Variants in PRICKLE2 observed in about 807,000 individuals in gnomAD.
PRICKLE2 encodes the protein prickle-like protein 2.
Under a neutral mutation model 81.4 loss-of-function variants are expected in PRICKLE2, and 21 were observed. That is an observed-to-expected ratio of 0.26 (90% confidence interval 0.18 to 0.37). The LOEUF is 0.37. Ranked by LOEUF, PRICKLE2 falls within the 10% of genes least tolerant of loss-of-function variation. PRICKLE2 has a pLI of 1.00. For synonymous variants in PRICKLE2, 456 were observed against 421.5 expected, an observed-to-expected ratio of 1.08 and a Z score of -1.00; for missense variants, 940 against 1,109.0, an observed-to-expected ratio of 0.85 and a Z score of 2.16.
At chr3:64,161,991 T>C (rs899661135) in intron 3 of PRICKLE2, among the ~76,000 whole-genome samples, 1 of 152,184 alleles carries the variant, frequency 6.6e-6, no homozygotes, top group African/African-American at 2.4e-5. Context: ...GGATCATAGC[T>C]CTCTTTTTAG....
chr3:64,211,110 A>G (rs777012172), intron 1 of PRICKLE2, among the ~76,000 whole-genome samples: 1 of 152,176 alleles, frequency 6.6e-6, no homozygotes, highest in East Asian at 1.9e-4. Context: ...AACTCTCAAC[A>G]GCCATTGGTT....
intron 2 of PRICKLE2, among the ~76,000 whole-genome samples, chr3:64,191,787 G>A (rs1252048182): frequency 6.6e-6 from 1 of 152,186 alleles, no homozygotes; most frequent in Non-Finnish European, 1.5e-5. Flanking sequence ...AGATTTGCCT[G>A]ATTCCGGAAG....
At chr3:64,130,326 A>G (rs1461428753) in intron 7 of PRICKLE2, among the ~76,000 whole-genome samples, 1 of 152,150 alleles carries the variant, frequency 6.6e-6, no homozygotes, top group East Asian at 1.9e-4. Flanking sequence ...ATCCCATGAA[A>G]AAGTTTTTAT....
chr3:64,198,665 GC>G, intron 2 of PRICKLE2, 118 bp downstream of exon 2: 2 of 1,104,806 alleles, frequency 1.8e-6, no homozygotes, highest in Non-Finnish European at 2.8e-6. Flanking sequence ...AACATATTTA[GC>G]CCTACCACTT....
chr3:64,194,940 C>A (rs1000092194), intron 2 of PRICKLE2, among the ~76,000 whole-genome samples: 1 of 152,042 alleles, frequency 6.6e-6, no homozygotes, highest in African/African-American at 2.4e-5. Context: ...CTACTTAGGA[C>A]TGAGACAAGA....
chr3:64,189,984 G>T (rs1468911283), intron 2 of PRICKLE2, among the ~76,000 whole-genome samples: 1 of 152,178 alleles, frequency 6.6e-6, no homozygotes, highest in African/African-American at 2.4e-5. Context: ...GGATGTCTTG[G>T]CAAGCACCGA....
chr3:64,245,590 C>T (rs1157744634), intron 2 of PRICKLE2, among the ~76,000 whole-genome samples: 1 of 152,172 alleles, frequency 6.6e-6, no homozygotes, highest in Non-Finnish European at 1.5e-5. Flanking sequence ...TTGCACTGAG[C>T]AGTTCTGGGG....
At position 64,176,889 on chromosome 3, in the gene PRICKLE2, C is replaced by T. The variant is rs190868470; in HGVS notation, c.145-13760G>A. Among the ~76,000 whole-genome samples the T allele has an allele frequency of 3.6e-3, 553 of 152,190 alleles. 4 individuals carry two copies. The highest frequency in any genetic ancestry group is 0.013 in the African/African-American group (519 of 41,516). On this transcript the variant is annotated intron_variant, in intron 2 of 7. Transcript: ENST00000638394. ...TTCCAGTTCCAAAACGCCAAAAGAT[C>T]AGTGAAGGTAATATCTTGGCCTGCG...
intron 7 of PRICKLE2, among the ~76,000 whole-genome samples, chr3:64,117,126 A>G (rs2106961154): frequency 6.6e-6 from 1 of 152,366 alleles, no homozygotes; most frequent in South Asian, 2.1e-4. Context: ...TAGATGTGGA[A>G]AAGGATTTTG....
At chr3:64,218,908 C>T (rs1461666345) in intron 1 of PRICKLE2, among the ~76,000 whole-genome samples, 1 of 152,106 alleles carries the variant, frequency 6.6e-6, no homozygotes, top group East Asian at 1.9e-4. Flanking sequence ...ACTTGAGAAG[C>T]CTTGGTCTCT....
intron 2 of PRICKLE2, among the ~76,000 whole-genome samples, chr3:64,264,558 C>G (rs2079669182): frequency 1.3e-5 from 2 of 152,206 alleles, no homozygotes; most frequent in South Asian, 4.1e-4. Flanking sequence ...GAGACCTCTT[C>G]TCCAGCCTGG....
In PRICKLE2 at chr3:64,147,250, T is replaced by C. The variant is rs1575589597; in HGVS notation, c.1240A>G (p.Ser414Gly). 1 of 1,609,526 alleles carries C rather than the reference T, an allele frequency of 6.2e-7. No individual in the cohort carries two copies. The highest frequency in any genetic ancestry group is 8.5e-7 in the Non-Finnish European group (1 of 1,176,914). Residue 414 changes from serine to glycine, a missense_variant, in exon 7 of 8, where the codon AGC becomes GGC. Ser to Gly is a moderately conservative substitution (Grantham distance 56, BLOSUM62 0). This residue lies in a region of PRICKLE2 where 670 missense variants were observed against 717.2 expected (regional missense o/e 0.93). Transcript: ENST00000638394. This position sits in a 1 kb window ranked among gnomAD's most constrained non-coding sequence, Gnocchi z 5.0. ...CACTGGCTGAGGAGCTGCAGAGGGC[T>C]CTGGGTCTGGTTCTGCTCCATCTTG... ...GNKMEQNQTQ[S>G]PLQLLSQCNI...
intron 4 of PRICKLE2, 112 bp downstream of exon 4, chr3:64,159,828 A>T: frequency 3.6e-6 from 5 of 1,382,430 alleles, no homozygotes; most frequent in Non-Finnish European, 5.1e-6. Context: ...TCTTTTGTTC[A>T]CTACTGTATC....
chr3:64,171,345 T>A (rs173859), intron 2 of PRICKLE2, among the ~76,000 whole-genome samples: 1 of 152,342 alleles, frequency 6.6e-6, no homozygotes, highest in African/African-American at 2.4e-5. Context: ...GGGAGGGAGC[T>A]GCTTTGGCAC....
At position 64,125,182 on chromosome 3, in the gene PRICKLE2, A is replaced by G. The variant is rs556940992; in HGVS notation, c.1660+21648T>C. Reference sequence around the variant, plus strand: ...CTAGAATTAAGAGTGGAGCCTGAAGATGGGGCCATCTCATGATCGAACTTG... The same window carrying G: ...CTAGAATTAAGAGTGGAGCCTGAAGGTGGGGCCATCTCATGATCGAACTTG... On this transcript the variant is annotated intron_variant, in intron 7 of 7. Coordinates refer to ENST00000638394, the MANE Select transcript of PRICKLE2 (RefSeq NM_198859.4). Among the ~76,000 whole-genome samples, 7 of 152,326 alleles carry G rather than the reference A, an allele frequency of 4.6e-5. No individual in the cohort carries two copies. The East Asian group carries it at 1.3e-3, about 29-fold the overall frequency.
At chr3:64,149,777 A>G (rs1215382487) in intron 6 of PRICKLE2, among the ~76,000 whole-genome samples, 1 of 152,136 alleles carries the variant, frequency 6.6e-6, no homozygotes, top group Admixed American at 6.5e-5. Context: ...GTGTCAATGG[A>G]GCCCAGGGAG....
chr3:64,099,398 G>A lies in PRICKLE2; in HGVS notation c.2188C>T (p.Arg730Trp), dbSNP rs2076617456. The change falls in exon 8 of 8, where the codon CGG becomes TGG. Residue 730 changes from arginine (R) to tryptophan (W), a missense_variant. By Grantham distance (101) the Arg-to-Trp change is moderately radical. Transcript: ENST00000638394. This position sits in a 1 kb window ranked among gnomAD's most constrained non-coding sequence, Gnocchi z 4.3. ...TGCCCCATGCTCTCCTGGAAGCTCC[G>A]CTGGCGCATAAATTGGTCATAGTCC... ...REDYDQFMRQ[R>W]SFQESMGHGS... 2 of 1,601,052 alleles carry A rather than the reference G, an allele frequency of 1.2e-6. No individual in the cohort carries two copies. Among genetic ancestry groups the A allele is most frequent in the Non-Finnish European group, 1.7e-6 (2 of 1,171,032 alleles).
intron 2 of PRICKLE2, among the ~76,000 whole-genome samples, chr3:64,168,852 C>T (rs1450584078): frequency 1.3e-5 from 2 of 152,158 alleles, no homozygotes; most frequent in Non-Finnish European, 1.5e-5. Flanking sequence ...TTACCCAGAA[C>T]ATAACCAACA....
chr3:64,184,641 T>TG (rs770485155), intron 2 of PRICKLE2, among the ~76,000 whole-genome samples: 6 of 150,018 alleles, frequency 4.0e-5, no homozygotes. Context: ...CTGACTGATT[T>TG]AAAAAAAAAA....
Sources: gnomAD v4.1 joint callset for allele counts (sites outside exome capture counted in the v4.1 genomes callset) on GRCh38, gnomAD v4.1.1 for gene constraint, gnomAD v4.1.1 regional missense constraint, Gnocchi (gnomAD v3.1) non-coding constraint, MANE v1.5 for transcripts, NCBI Gene and HGNC (gene_info 2026-07-23, HGNC 2026-07-21) for gene names.